Variants in FGF12 observed in about 807,000 individuals in gnomAD.
FGF12 encodes fibroblast growth factor 12, also known as fibroblast growth factor 12B.
In FGF12, 14 loss-of-function variants were observed where a neutral mutation model predicts 23.6. That is an observed-to-expected ratio of 0.59 (90% CI 0.39 to 0.93). The LOEUF is 0.93. Among genes scored for constraint, FGF12 ranks in the 40% least tolerant of loss-of-function variants. FGF12 has a pLI of 0.00. For missense variants in FGF12, 175 were observed against 217.8 expected, an observed-to-expected ratio of 0.80 and a Z score of 1.24; for synonymous variants, 62 against 77.3, an observed-to-expected ratio of 0.80 and a Z score of 1.04.
intron 4 of FGF12, among the ~76,000 whole-genome samples, chr3:192,218,164 C>T (rs117641820): frequency 3.9e-5 from 6 of 152,200 alleles, no homozygotes; most frequent in East Asian, 1.9e-4. Flanking sequence ...CAGGAAATCA[C>T]GTTCTATTAA....
chr3:192,180,031 G>A (rs1716085456), intron 4 of FGF12, among the ~76,000 whole-genome samples: 2 of 152,222 alleles, frequency 1.3e-5, no homozygotes, highest in South Asian at 2.1e-4. Context: ...CGTGTCATGA[G>A]GATCTCTTAC....
chr3:192,512,987 A>G (rs987200104), intron 2 of FGF12, among the ~76,000 whole-genome samples: 1 of 151,328 alleles, frequency 6.6e-6, no homozygotes, highest in Admixed American at 6.6e-5. Context: ...ATGCTGTCCA[A>G]TCACATAAGT....
intron 4 of FGF12, among the ~76,000 whole-genome samples, chr3:192,298,622 T>G (rs755687002): frequency 6.6e-6 from 1 of 152,116 alleles, no homozygotes; most frequent in Non-Finnish European, 1.5e-5. Flanking sequence ...GTGTGGTGCA[T>G]GTCTGTAATC....
intron 5 of FGF12, among the ~76,000 whole-genome samples, chr3:192,157,222 T>G (rs560790258): frequency 2.0e-4 from 31 of 152,182 alleles, no homozygotes; most frequent in Non-Finnish European, 4.4e-4. Flanking sequence ...CAGTGAAGGT[T>G]TTGATTTTAA....
At chr3:192,327,824 T>C (rs7645410) in intron 4 of FGF12, among the ~76,000 whole-genome samples, 52,254 of 151,554 alleles carry the variant, frequency 0.34, 11,868 homozygotes, top group African/African-American at 0.64. Context: ...CTCAGCCTCC[T>C]ATGTAGCTGG....
chr3:192,640,984 T>C (rs1391239706), intron 2 of FGF12, among the ~76,000 whole-genome samples: 4 of 152,040 alleles, frequency 2.6e-5, no homozygotes, highest in Non-Finnish European at 5.9e-5. Context: ...AGCTAGTTTG[T>C]TTTATTTTTT....
At chr3:192,421,721 G>A (rs1576969850) in intron 2 of FGF12, among the ~76,000 whole-genome samples, 1 of 152,022 alleles carries the variant, frequency 6.6e-6, no homozygotes, top group East Asian at 1.9e-4. Context: ...CCTAATGTAG[G>A]TGACGGGTTG....
At chr3:192,626,301 C>G (rs936659101) in intron 2 of FGF12, among the ~76,000 whole-genome samples, 2 of 152,130 alleles carry the variant, frequency 1.3e-5, no homozygotes, top group African/African-American at 4.8e-5. Context: ...TATCTACTAC[C>G]AAAATTAACA....
chr3:192,404,108 T>TA (rs1429564491), intron 2 of FGF12, among the ~76,000 whole-genome samples: 1 of 152,142 alleles, frequency 6.6e-6, no homozygotes, highest in African/African-American at 2.4e-5. Flanking sequence ...CTTTAAATTG[T>TA]AAAAAAATTC....
rs1449878407 is a variant in FGF12, at chr3:192,139,677, ATTATT to A, written c.*4327_*4331del. On this transcript the variant is annotated 3_prime_UTR_variant, in exon 6 of 6. Coordinates refer to ENST00000445105, the MANE Select transcript of FGF12 (RefSeq NM_004113.6). ...CATTTAATGATGCAATTTTTATTAC[ATTATT>A]TTAAGGCTATTATCATAATGTTAAA... 1 of 152,020 alleles carries A rather than the reference ATTATT, an allele frequency of 6.6e-6. No individual in the cohort carries two copies. The highest frequency in any genetic ancestry group is 1.5e-5 in the Non-Finnish European group (1 of 67,954). 9.4% of individuals were successfully genotyped at this position (152,020 alleles called of 1,614,324 possible).
At chr3:192,221,421 C>T (rs1255660594) in intron 4 of FGF12, among the ~76,000 whole-genome samples, 1 of 151,982 alleles carries the variant, frequency 6.6e-6, no homozygotes, top group East Asian at 1.9e-4. Flanking sequence ...TTTAATAAGG[C>T]CTTACTCAAA....
At chr3:192,417,281 A>G (rs1721386496) in intron 2 of FGF12, among the ~76,000 whole-genome samples, 1 of 151,972 alleles carries the variant, frequency 6.6e-6, no homozygotes, top group Non-Finnish European at 1.5e-5. Context: ...AGTAACCAAA[A>G]GCGTTTATTA....
intron 2 of FGF12, chr3:192,521,407 A>C (rs1223719944): frequency 6.6e-6 from 1 of 152,254 alleles, no homozygotes; most frequent in Non-Finnish European, 1.5e-5. Context: ...AAGATGAGTT[A>C]TCTAATTCAA....
intron 2 of FGF12, among the ~76,000 whole-genome samples, chr3:192,548,878 AG>A (rs1480521008): frequency 6.6e-6 from 1 of 152,160 alleles, no homozygotes; most frequent in Non-Finnish European, 1.5e-5. Flanking sequence ...ACTAATCTAC[AG>A]TTGTTCCTGT....
chr3:192,247,650 T>C (rs183576462), intron 4 of FGF12, among the ~76,000 whole-genome samples: 73 of 152,290 alleles, frequency 4.8e-4, no homozygotes, highest in Admixed American at 2.2e-3. Context: ...AATCATTTCA[T>C]TATATAGTTA....
chr3:192,250,762 T>C (rs1000393849), intron 4 of FGF12, among the ~76,000 whole-genome samples: 3 of 152,108 alleles, frequency 2.0e-5, no homozygotes, highest in Admixed American at 1.3e-4. Flanking sequence ...CAATACATTA[T>C]GGGGCAAATA....
At chr3:192,414,744 C>T (rs928853849) in intron 2 of FGF12, among the ~76,000 whole-genome samples, 1 of 152,102 alleles carries the variant, frequency 6.6e-6, no homozygotes. Flanking sequence ...ACTAAAGTAA[C>T]CTGGAGGGGA....
intron 2 of FGF12, among the ~76,000 whole-genome samples, chr3:192,452,975 C>A (rs745972054): frequency 6.6e-6 from 1 of 152,116 alleles, no homozygotes; most frequent in Non-Finnish European, 1.5e-5. Flanking sequence ...ATCTATGATG[C>A]GTATCTTTCC....
chr3:192,726,090 T>G (rs1488439108), intron 2 of FGF12, among the ~76,000 whole-genome samples: 1 of 152,228 alleles, frequency 6.6e-6, no homozygotes, highest in Non-Finnish European at 1.5e-5. Context: ...TTATTGAACA[T>G]AGAACTGCTA....
Sources: gnomAD v4.1 joint callset for allele counts (sites outside exome capture counted in the v4.1 genomes callset) on GRCh38, gnomAD v4.1.1 for gene constraint, MANE v1.5 for transcripts, NCBI Gene and HGNC (gene_info 2026-07-23, HGNC 2026-07-21) for gene names.